CLTC: variants seen among roughly 807,000 people sequenced by gnomAD.
CLTC encodes the protein clathrin heavy chain, also known as clathrin heavy chain 1.
A neutral mutation model predicts 195.8 loss-of-function variants in CLTC; 16 were observed. That is an observed-to-expected ratio of 0.08 (90% CI 0.06 to 0.12). The LOEUF (loss-of-function observed/expected upper bound fraction) is 0.12. Among genes scored for constraint, CLTC ranks in the 10% least tolerant of loss-of-function variants. CLTC has a pLI of 1.00. For missense variants in CLTC, 796 were observed against 2,027.0 expected, an observed-to-expected ratio of 0.39 and a Z score of 11.66; for synonymous variants, 667 against 689.4, an observed-to-expected ratio of 0.97 and a Z score of 0.51.
chr17:59,620,233 G>T, intron 1 of CLTC, 60 bp downstream of exon 1: 3 of 1,585,062 alleles, frequency 1.9e-6, no homozygotes, highest in South Asian at 2.2e-5. Context: ...GATGGAAGAC[G>T]CTGGAGTCTG....
At position 59,676,934 on chromosome 17, in the gene CLTC, T is replaced by TTTTTTTCC. The variant is rs2032979421; in HGVS notation, c.2562-10_2562-3dup. On this transcript the variant is annotated intron_variant, in intron 16 of 31. Transcript: ENST00000269122. ...TATAATACAGTATGTGTGTGTGAGG[T>TTTTTTTCC]TTTTTTCCTTTTTTCCTAGATTGAA... 2 of 1,579,176 alleles carry TTTTTTTCC rather than the reference T, an allele frequency of 1.3e-6. No individual in the cohort carries two copies. Among genetic ancestry groups the TTTTTTTCC allele is most frequent in the Admixed American group, 3.4e-5 (2 of 59,668 alleles).
chr17:59,655,788 C>G (rs766298250), intron 5 of CLTC, 66 bp from the exon 6 acceptor site: 86 of 1,312,450 alleles, frequency 6.6e-5, no homozygotes, highest in Non-Finnish European at 8.3e-5. Context: ...TGGAATTAGA[C>G]TGAATGTTTT....
chr17:59,630,557 G>T (rs766109090), intron 1 of CLTC, among the ~76,000 whole-genome samples: 1 of 152,042 alleles, frequency 6.6e-6, no homozygotes, highest in South Asian at 2.1e-4. Flanking sequence ...CCCCATACAC[G>T]TGAAGCAGTC....
intron 1 of CLTC, among the ~76,000 whole-genome samples, chr17:59,624,435 AAAT>A (rs1408336699): frequency 6.6e-6 from 1 of 150,914 alleles, no homozygotes; most frequent in African/African-American, 2.4e-5. Context: ...TCCAATAGAA[AAAT>A]AATATGAGCC....
Position 59,696,283 on chromosome 17 carries a change from GTGTA to G in CLTC, c.*2433_*2436del, listed in dbSNP as rs2033422060. The G allele has an allele frequency of 4.5e-6, 1 of 221,852 alleles. No homozygotes were observed. Among genetic ancestry groups the G allele is most frequent in the Admixed American group, 5.7e-5 (1 of 17,410 alleles). 13.7% of individuals were successfully genotyped at this position (221,852 alleles called of 1,614,324 possible). On this transcript the variant is annotated 3_prime_UTR_variant, in exon 32 of 32. Coordinates refer to ENST00000269122, the MANE Select transcript of CLTC (RefSeq NM_004859.4). ...CTGTGCTGTCATATGCCTGTGCGAA[GTGTA>G]TTAAATGAATCAAATATTAGAAATT...
intron 16 of CLTC, among the ~76,000 whole-genome samples, chr17:59,675,193 A>T (rs531520130): frequency 6.6e-6 from 1 of 152,170 alleles, no homozygotes. Context: ...CTGATCAATC[A>T]TGTGGTGTTT....
In CLTC at chr17:59,664,012, C is replaced by T; in HGVS notation, c.1521+18C>T. The T allele has an allele frequency of 6.2e-7, 1 of 1,601,000 alleles. No individual in the cohort carries two copies. The highest frequency in any genetic ancestry group is 8.5e-7 in the Non-Finnish European group (1 of 1,171,374). ...CTAAAAAAGTGAGTTCAATGAAACA[C>T]ATTCTCAGCATGAATTCATTGAAGC... On this transcript the variant is annotated intron_variant, in intron 9 of 31. Transcript: ENST00000269122.
chr17:59,664,873 A>G lies in CLTC; in HGVS notation c.1608A>G (p.Leu536=). The G allele has an allele frequency of 6.2e-7, 1 of 1,614,108 alleles. No individual in the cohort carries two copies. The highest frequency in any genetic ancestry group is 1.1e-5 in the South Asian group (1 of 91,082). Residue 536 remains leucine, a synonymous_variant, in exon 10 of 32, where the codon TTA becomes TTG. Coordinates refer to ENST00000269122, the MANE Select transcript of CLTC (RefSeq NM_004859.4). ...AGGGACAGCAGTTTGCCCAAATGTT[A>G]GTTCAAGATGAAGAGCCTCTTGCTG... ...PDQGQQFAQM[L]VQDEEPLADI...
chr17:59,627,229 C>T (rs560515243), intron 1 of CLTC, among the ~76,000 whole-genome samples: 1 of 152,316 alleles, frequency 6.6e-6, no homozygotes, highest in African/African-American at 2.4e-5. Context: ...CTATTCAAAT[C>T]TTAATTGTCC....
At chr17:59,627,763 G>A (rs549023691) in intron 1 of CLTC, among the ~76,000 whole-genome samples, 3 of 152,156 alleles carry the variant, frequency 2.0e-5, no homozygotes, top group Admixed American at 6.5e-5. Flanking sequence ...AACCAGGATT[G>A]TCTGCATCCC....
chr17:59,672,048 T>A (rs1055486180), intron 14 of CLTC, among the ~76,000 whole-genome samples: 1 of 152,186 alleles, frequency 6.6e-6, no homozygotes, highest in African/African-American at 2.4e-5. Flanking sequence ...TGGGTACTCA[T>A]AAATATTTGT....
chr17:59,677,321 T>C (rs1351706928), intron 17 of CLTC, 133 bp downstream of exon 17: 1 of 652,402 alleles, frequency 1.5e-6, no homozygotes, highest in Non-Finnish European at 2.6e-6. Context: ...TATTTGGAAA[T>C]AATTGTGAAT....
intron 6 of CLTC, among the ~76,000 whole-genome samples, chr17:59,658,117 T>C (rs900869935): frequency 6.6e-6 from 1 of 152,052 alleles, no homozygotes; most frequent in Non-Finnish European, 1.5e-5. Flanking sequence ...ACAGGAGAAT[T>C]GCTTGAACCC....
At chr17:59,623,093 A>C (rs1394937192) in intron 1 of CLTC, among the ~76,000 whole-genome samples, 2 of 152,204 alleles carry the variant, frequency 1.3e-5, no homozygotes, top group Non-Finnish European at 2.9e-5. Flanking sequence ...TTTCTGGCAC[A>C]TTAAGTATCT....
intron 18 of CLTC, among the ~76,000 whole-genome samples, chr17:59,680,501 C>G (rs1015405056): frequency 6.6e-6 from 1 of 152,012 alleles, no homozygotes; most frequent in Non-Finnish European, 1.5e-5. Context: ...CAAGTAGTTA[C>G]AAAGCTTCCT....
chr17:59,668,572 G>C (rs2032781162), intron 13 of CLTC, among the ~76,000 whole-genome samples: 1 of 152,054 alleles, frequency 6.6e-6, no homozygotes, highest in Non-Finnish European at 1.5e-5. Flanking sequence ...GGAAACATTG[G>C]GTTGAATTGT....
intron 1 of CLTC, among the ~76,000 whole-genome samples, chr17:59,632,184 C>T (rs1161176137): frequency 1.8e-4 from 27 of 151,526 alleles, no homozygotes; most frequent in Middle Eastern, 3.2e-3. Context: ...CTGGCTAACA[C>T]GGTGAAACCC....
intron 1 of CLTC, among the ~76,000 whole-genome samples, chr17:59,623,001 T>C (rs2143430888): frequency 6.6e-6 from 1 of 152,338 alleles, no homozygotes; most frequent in Admixed American, 6.5e-5. Flanking sequence ...AAGATACTGT[T>C]GGAATTGAAG....
At chr17:59,644,546 TTTTG>T (rs3064157) in intron 2 of CLTC, 63 bp downstream of exon 2, 49 of 934,238 alleles carry the variant, frequency 5.2e-5, no homozygotes, top group East Asian at 4.4e-4. Flanking sequence ...TTTGTTTTTT[TTTTG>T]TTTGTTTGTT....
Sources: gnomAD v4.1 joint callset for allele counts (sites outside exome capture counted in the v4.1 genomes callset) on GRCh38, gnomAD v4.1.1 for gene constraint, MANE v1.5 for transcripts, NCBI Gene and HGNC (gene_info 2026-07-23, HGNC 2026-07-21) for gene names.